Variants in DLC1 observed in about 807,000 individuals in gnomAD.
The protein encoded by DLC1 is rho GTPase-activating protein 7.
DLC1 carries 54 observed loss-of-function variants against 140.3 expected under a neutral mutation model. The ratio of observed to expected loss-of-function variants is 0.38; its 90% CI spans 0.31 to 0.48. The LOEUF is 0.48. Ranked by LOEUF, DLC1 falls within the 20% of genes least tolerant of loss-of-function variation. DLC1 has a pLI of 0.96. For synonymous variants in DLC1, 986 were observed against 728.1 expected (o/e 1.35, Z -5.70); for missense variants, 2,536 against 1,907.0 (o/e 1.33, Z -6.14).
intron 4 of DLC1, among the ~76,000 whole-genome samples, chr8:13,371,359 A>C (rs1197834031): frequency 2.0e-5 from 3 of 152,122 alleles, no homozygotes; most frequent in Non-Finnish European, 4.4e-5. Flanking sequence ...CAAAATGCAC[A>C]TATGTTTTTC....
intron 2 of DLC1, among the ~76,000 whole-genome samples, chr8:13,484,075 G>A (rs778940020): frequency 2.6e-5 from 4 of 152,208 alleles, no homozygotes; most frequent in Non-Finnish European, 5.9e-5. Context: ...GTGAGACTCT[G>A]TCTCAAAATA....
At chr8:13,259,053 C>T (rs1341138484) in intron 5 of DLC1, among the ~76,000 whole-genome samples, 9 of 146,668 alleles carry the variant, frequency 6.1e-5, no homozygotes, top group African/African-American at 1.3e-4. Flanking sequence ...AGGAGAATGG[C>T]GTGAACCCGG....
intron 2 of DLC1, among the ~76,000 whole-genome samples, chr8:13,486,075 C>G (rs1317332021): frequency 6.6e-6 from 1 of 152,160 alleles, no homozygotes; most frequent in African/African-American, 2.4e-5. Context: ...CTGTGAACAT[C>G]TGAGAGAAAG....
At chr8:13,191,439 G>C (rs1467117333) in intron 5 of DLC1, among the ~76,000 whole-genome samples, 1 of 152,214 alleles carries the variant, frequency 6.6e-6, no homozygotes, top group East Asian at 1.9e-4. Flanking sequence ...CTGGGAGGCT[G>C]AGGTTGCAAT....
intron 1 of DLC1, among the ~76,000 whole-genome samples, chr8:13,585,965 G>C (rs67670052): frequency 0.27 from 40,376 of 152,044 alleles, 6,057 homozygotes; most frequent in Non-Finnish European, 0.35. Context: ...GAAATATAAT[G>C]CTTAGCCTTT....
At chr8:13,114,391 T>G (rs1055226237) in intron 6 of DLC1, among the ~76,000 whole-genome samples, 1 of 152,088 alleles carries the variant, frequency 6.6e-6, no homozygotes, top group Admixed American at 6.6e-5. Flanking sequence ...ATGAACAGCC[T>G]ATTTATCTTG....
intron 5 of DLC1, among the ~76,000 whole-genome samples, chr8:13,171,955 C>T (rs923940386): frequency 2.6e-5 from 4 of 152,040 alleles, no homozygotes; most frequent in African/African-American, 4.8e-5. Flanking sequence ...CATGGCAGAG[C>T]AGAGCTCAGA....
chr8:13,495,750 A>C (rs1455319433), intron 2 of DLC1, among the ~76,000 whole-genome samples: 2 of 152,226 alleles, frequency 1.3e-5, no homozygotes, highest in Non-Finnish European at 2.9e-5. Flanking sequence ...TTGCAAAACG[A>C]TGAATGCCTG....
intron 5 of DLC1, among the ~76,000 whole-genome samples, chr8:13,281,874 C>T (rs529020084): frequency 1.3e-5 from 2 of 152,304 alleles, no homozygotes; most frequent in South Asian, 4.1e-4. Context: ...AGATCTCTAC[C>T]TGAGCTACAA....
intron 5 of DLC1, among the ~76,000 whole-genome samples, chr8:13,121,994 C>T (rs1382527134): frequency 1.3e-5 from 2 of 152,154 alleles, no homozygotes; most frequent in African/African-American, 2.4e-5. Flanking sequence ...AGCCAGATAA[C>T]ATTTCTTTGT....
chr8:13,577,826 G>A (rs13256985), intron 1 of DLC1, among the ~76,000 whole-genome samples: 46,586 of 151,740 alleles, frequency 0.31, 7,965 homozygotes, highest in South Asian at 0.45. Flanking sequence ...TCTTCCTGTT[G>A]GAGAGTATCA....
intron 1 of DLC1, among the ~76,000 whole-genome samples, chr8:13,597,309 G>A (rs1805714772): frequency 6.6e-6 from 1 of 152,008 alleles, no homozygotes; most frequent in Admixed American, 6.6e-5. Flanking sequence ...AATGACAGAA[G>A]ACGTGATTAG....
At chr8:13,421,806 C>A (rs755270599) in intron 2 of DLC1, among the ~76,000 whole-genome samples, 3 of 152,140 alleles carry the variant, frequency 2.0e-5, no homozygotes. Flanking sequence ...TCTTCTTTCC[C>A]AATATGGTAA....
intron 12 of DLC1, among the ~76,000 whole-genome samples, chr8:13,093,194 T>G (rs965475932): frequency 2.6e-5 from 4 of 152,152 alleles, no homozygotes; most frequent in Non-Finnish European, 4.4e-5. Flanking sequence ...CTGAAAACAC[T>G]ATACACTTTT....
intron 5 of DLC1, among the ~76,000 whole-genome samples, chr8:13,140,512 T>G (rs754407044): frequency 1.1e-4 from 16 of 151,470 alleles, no homozygotes; most frequent in Non-Finnish European, 2.2e-4. Flanking sequence ...GGATTACAGG[T>G]TGAGCCACAG....
chr8:13,128,133 C>T (rs887483502), intron 5 of DLC1, among the ~76,000 whole-genome samples: 2 of 151,966 alleles, frequency 1.3e-5, no homozygotes, highest in African/African-American at 4.8e-5. Flanking sequence ...CTTGGCTTCA[C>T]TTTAGAAGGA....
chr8:13,334,087 G>A (rs898334528), intron 4 of DLC1, among the ~76,000 whole-genome samples: 1 of 151,960 alleles, frequency 6.6e-6, no homozygotes, highest in African/African-American at 2.4e-5. Flanking sequence ...GAGAGCGAGG[G>A]ATGCTTGGAG....
chr8:13,390,595 A>G (rs1372111250), intron 4 of DLC1, among the ~76,000 whole-genome samples: 5 of 152,166 alleles, frequency 3.3e-5, no homozygotes, highest in Non-Finnish European at 5.9e-5. Context: ...TCCCACCTTA[A>G]ACCTAGATGG....
chr8:13,372,419 T>C (rs1028708230), intron 4 of DLC1, among the ~76,000 whole-genome samples: 1 of 152,076 alleles, frequency 6.6e-6, no homozygotes, highest in African/African-American at 2.4e-5. Context: ...CGTTTGAGGA[T>C]TGGTGGTCAG....
Sources: gnomAD v4.1 joint callset for allele counts (sites outside exome capture counted in the v4.1 genomes callset) on GRCh38, gnomAD v4.1.1 for gene constraint, MANE v1.5 for transcripts, NCBI Gene and HGNC (gene_info 2026-07-23, HGNC 2026-07-21) for gene names.